Variants in TCERG1L observed in about 807,000 individuals in gnomAD.
TCERG1L encodes the protein transcription elongation regulator 1-like protein.
A neutral mutation model predicts 56.3 loss-of-function variants in TCERG1L; 37 were observed. The ratio of observed to expected loss-of-function variants is 0.66; its 90% CI spans 0.51 to 0.87. The LOEUF is 0.87. Ranked by LOEUF, TCERG1L falls within the 40% of genes least tolerant of loss-of-function variation. The pLI, the probability that TCERG1L is intolerant of heterozygous loss-of-function variation, is 0.00. For missense variants in TCERG1L, 799 were observed against 774.2 expected (o/e 1.03, Z -0.38); for synonymous variants, 324 against 326.3 (o/e 0.99, Z 0.08).
At position 131,126,526 on chromosome 10, in the gene TCERG1L, G is replaced by A. The variant is rs536506812; in HGVS notation, c.1259+7853C>T. Among the ~76,000 whole-genome samples the A allele has an allele frequency of 3.4e-4, 52 of 151,712 alleles. 3 individuals carry two copies. In the South Asian group the frequency reaches 5.0e-3, roughly 15 times the overall value. ...CGGCTCTGAGCCAGCTCTCAGCTGC[G>A]GGAGGCAGGGCAGCTATGTGCTGCT... On this transcript the variant is annotated intron_variant, in intron 8 of 11. Transcript: ENST00000368642.
chr10:131,247,570 T>C lies in TCERG1L; in HGVS notation c.856+12689A>G, dbSNP rs73398449. Among the ~76,000 whole-genome samples the C allele has an allele frequency of 5.8e-3, 869 of 148,968 alleles. 7 individuals carry two copies. Among genetic ancestry groups the C allele is most frequent in the African/African-American group, 0.02 (832 of 41,318 alleles). On this transcript the variant is annotated intron_variant, in intron 4 of 11. Transcript: ENST00000368642. ...TAAGGCTTCTGTGGCAGAGGAGTTA[T>C]CAGATGGTGAGAAGGACAAGATAGA... is the stretch of plus-strand genomic sequence containing the variant.
intron 4 of TCERG1L, among the ~76,000 whole-genome samples, chr10:131,225,165 A>G (rs1845778582): frequency 6.6e-6 from 1 of 152,230 alleles, no homozygotes; most frequent in East Asian, 1.9e-4. Context: ...CTTCTGCATC[A>G]TGCACTGTAT....
chr10:131,179,572 G>A (rs936175525), intron 4 of TCERG1L, among the ~76,000 whole-genome samples: 2 of 152,138 alleles, frequency 1.3e-5, no homozygotes, highest in Non-Finnish European at 2.9e-5. Flanking sequence ...GCCCAGCCGT[G>A]TGACCCTGCA....
At chr10:131,285,958 C>T (rs1589772754) in intron 3 of TCERG1L, among the ~76,000 whole-genome samples, 1 of 152,142 alleles carries the variant, frequency 6.6e-6, no homozygotes, top group African/African-American at 2.4e-5. Context: ...GCATCTGCTC[C>T]AAAACAGGAC....
chr10:131,299,691 T>G (rs1846739564), intron 3 of TCERG1L, among the ~76,000 whole-genome samples: 1 of 152,160 alleles, frequency 6.6e-6, no homozygotes, highest in Non-Finnish European at 1.5e-5. Context: ...TTAATCTGAA[T>G]GGATGGTGAA....
At chr10:131,306,787 T>C (rs1202402986) in intron 3 of TCERG1L, among the ~76,000 whole-genome samples, 2 of 152,168 alleles carry the variant, frequency 1.3e-5, no homozygotes, top group Non-Finnish European at 1.5e-5. Context: ...ATGATGTCCA[T>C]AAGATGGAAA....
Position 131,201,782 on chromosome 10 carries a change from T to G in TCERG1L, c.857-34897A>C, listed in dbSNP as rs116364184. Among the ~76,000 whole-genome samples, 421 of 152,272 alleles carry G rather than the reference T, an allele frequency of 2.8e-3. 1 individual carries two copies. Among genetic ancestry groups the G allele is most frequent in the African/African-American group, 9.7e-3 (402 of 41,542 alleles). The stretch of plus-strand genomic sequence containing the variant: ...CCTTCTCTGCGGGACTGTAATGACC[T>G]TCTAAATGCTCAGCTGTGAGTGAGT... On this transcript the variant is annotated intron_variant, in intron 4 of 11. Coordinates refer to ENST00000368642, the MANE Select transcript of TCERG1L (RefSeq NM_174937.4).
intron 4 of TCERG1L, among the ~76,000 whole-genome samples, chr10:131,245,910 A>G (rs2196743): frequency 0.53 from 79,953 of 151,776 alleles, 21,164 homozygotes; most frequent in African/African-American, 0.56. Flanking sequence ...GTGTAGGTGG[A>G]AAGAGTTCCC....
Position 131,311,475 on chromosome 10 carries a change from G to T in TCERG1L, c.161C>A (p.Ala54Glu), listed in dbSNP as rs1011593631. Residue 54 changes from alanine (A) to glutamate (E), a missense_variant, in exon 1 of 12, where the codon GCG becomes GAG. Coordinates refer to ENST00000368642, the MANE Select transcript of TCERG1L (RefSeq NM_174937.4). The surrounding 1 kb of genome is among the most constrained non-coding windows in gnomAD (Gnocchi z 4.0). ...PGSAGLLRLS[A>E]GVVVPPVLLA... ...CAGCACCGGGGGAACCACGACCCCC[G>T]CGCTGAGCCGGAGCAGCCCGGCCGA... The T allele has an allele frequency of 8.4e-7, 1 of 1,188,838 alleles. No individual in the cohort carries two copies. Among genetic ancestry groups the T allele is most frequent in the African/African-American group, 1.6e-5 (1 of 61,882 alleles). 73.6% of individuals were successfully genotyped at this position (1,188,838 alleles called of 1,614,324 possible).
chr10:131,139,400 G>A (rs1845708481), intron 7 of TCERG1L, among the ~76,000 whole-genome samples: 1 of 152,180 alleles, frequency 6.6e-6, no homozygotes, highest in Admixed American at 6.5e-5. Context: ...ATCCAGACAG[G>A]GCAAGGGTAG....
At chr10:131,233,382 C>T (rs1356884389) in intron 4 of TCERG1L, among the ~76,000 whole-genome samples, 1 of 152,014 alleles carries the variant, frequency 6.6e-6, no homozygotes, top group Non-Finnish European at 1.5e-5. Flanking sequence ...TATATTTTTA[C>T]TAATCAGGGA....
chr10:131,110,205 C>T (rs1891787), intron 9 of TCERG1L, among the ~76,000 whole-genome samples: 30,141 of 152,138 alleles, frequency 0.2, 3,492 homozygotes, highest in East Asian at 0.37. Flanking sequence ...AAGTGTTTTC[C>T]AGATCAAGTG....
chr10:131,277,212 A>G (rs1434121962), intron 3 of TCERG1L, among the ~76,000 whole-genome samples: 4 of 152,126 alleles, frequency 2.6e-5, no homozygotes, highest in Non-Finnish European at 5.9e-5. Context: ...CCTCCACCCC[A>G]CGAGTGAATG....
At chr10:131,279,809 C>T (rs1737560610) in intron 3 of TCERG1L, among the ~76,000 whole-genome samples, 1 of 152,086 alleles carries the variant, frequency 6.6e-6, no homozygotes, top group South Asian at 2.1e-4. Context: ...GATGCTGAGA[C>T]ACCCATAGCA....
intron 3 of TCERG1L, among the ~76,000 whole-genome samples, chr10:131,279,937 G>A (rs1846433150): frequency 6.6e-6 from 1 of 152,150 alleles, no homozygotes; most frequent in Non-Finnish European, 1.5e-5. Context: ...ACAGGTGAGA[G>A]TTTCTCCATG....
At position 131,127,285 on chromosome 10, in the gene TCERG1L, G is replaced by A. The variant is rs141614543; in HGVS notation, c.1259+7094C>T. On this transcript the variant is annotated intron_variant, in intron 8 of 11. Coordinates refer to ENST00000368642, the MANE Select transcript of TCERG1L (RefSeq NM_174937.4). Reference sequence around the variant, plus strand: ...GAACCCCACAGGAGCACCAGTGTGCGTGGGCAACTCCAGGCCAAACCCTGA... The same window carrying A: ...GAACCCCACAGGAGCACCAGTGTGCATGGGCAACTCCAGGCCAAACCCTGA... Among the ~76,000 whole-genome samples, 13 of 152,334 alleles carry A rather than the reference G, an allele frequency of 8.5e-5. No homozygotes were observed. In the East Asian group the frequency reaches 1.2e-3, roughly 14 times the overall value.
chr10:131,166,639 C>T (rs995992485), intron 5 of TCERG1L, among the ~76,000 whole-genome samples, 158 bp downstream of exon 5: 4 of 152,226 alleles, frequency 2.6e-5, no homozygotes, highest in African/African-American at 9.6e-5. Context: ...CTCTAGGCCC[C>T]GCCTGGCCCC....
chr10:131,296,836 T>C (rs945630422), intron 3 of TCERG1L, among the ~76,000 whole-genome samples: 6 of 152,258 alleles, frequency 3.9e-5, no homozygotes, highest in Non-Finnish European at 7.3e-5. Flanking sequence ...AAGTACTTCA[T>C]GATTTTGGTG....
chr10:131,233,366 A>G (rs550471429), intron 4 of TCERG1L, among the ~76,000 whole-genome samples: 1 of 152,208 alleles, frequency 6.6e-6, no homozygotes, highest in African/African-American at 2.4e-5. Context: ...CTTTAATCAC[A>G]GCCATTATAT....
Sources: gnomAD v4.1 joint callset for allele counts (sites outside exome capture counted in the v4.1 genomes callset) on GRCh38, gnomAD v4.1.1 for gene constraint, Gnocchi (gnomAD v3.1) non-coding constraint, MANE v1.5 for transcripts, NCBI Gene and HGNC (gene_info 2026-07-23, HGNC 2026-07-21) for gene names.